CILK1: variants seen among roughly 807,000 people sequenced by gnomAD.
CILK1 encodes the protein serine/threonine-protein kinase ICK.
CILK1 carries 47 observed loss-of-function variants against 79.2 expected under a neutral mutation model. The ratio of observed to expected loss-of-function variants is 0.59; its 90% confidence interval spans 0.47 to 0.76. The LOEUF (loss-of-function observed/expected upper bound fraction) is 0.76. Ranked by LOEUF, CILK1 falls within the 30% of genes least tolerant of loss-of-function variation. The pLI, the probability that CILK1 is intolerant of heterozygous loss-of-function variation, is 0.00. For missense variants in CILK1, 660 were observed against 769.5 expected (o/e 0.86, Z 1.68); for synonymous variants, 266 against 275.9 (o/e 0.96, Z 0.36).
intron 7 of CILK1, 110 bp downstream of exon 7, chr6:53,018,220 G>C (rs1380999802): frequency 1.9e-6 from 2 of 1,041,992 alleles, no homozygotes; most frequent in African/African-American, 3.1e-5. Flanking sequence ...TCAAGAGAAA[G>C]AGCCTAGAAT....
At chr6:53,009,994 C>CCATT (rs1463277228) in intron 11 of CILK1, among the ~76,000 whole-genome samples, 1 of 152,214 alleles carries the variant, frequency 6.6e-6, no homozygotes, top group African/African-American at 2.4e-5. Flanking sequence ...CCGACCTGGA[C>CCATT]CATTACTCCC....
intron 4 of CILK1, 21 bp downstream of exon 4, chr6:53,032,512 A>G (rs927572794): frequency 1.9e-6 from 3 of 1,548,230 alleles, no homozygotes; most frequent in East Asian, 4.7e-5. Flanking sequence ...CTATAATAAG[A>G]TAATGATGAC....
In CILK1 at chr6:53,037,932, T is replaced by C; in HGVS notation, c.156+7A>G. 1 of 1,467,126 alleles carries C rather than the reference T, an allele frequency of 6.8e-7. No homozygotes were observed. The highest frequency in any genetic ancestry group is 9.6e-7 in the Non-Finnish European group (1 of 1,046,342). The allele number at this position is 1,467,126 out of a possible 1,614,324, so 90.9% of individuals were successfully genotyped here. ...CATAAATTATTCCTTGGTATATTAA[T>C]ATATACCTTAACCTCCCGAAGGTTC... On this transcript the variant is annotated splice_region_variant and intron_variant, in intron 3 of 13. Coordinates refer to ENST00000676107, the MANE Select transcript of CILK1 (RefSeq NM_014920.5).
intron 1 of CILK1, among the ~76,000 whole-genome samples, chr6:53,060,156 G>A (rs1476875120): frequency 6.6e-6 from 1 of 152,146 alleles, no homozygotes; most frequent in East Asian, 1.9e-4. Context: ...TATAAAAAGG[G>A]CTCTGATGAT....
intron 1 of CILK1, among the ~76,000 whole-genome samples, chr6:53,051,182 CACCAATTTCTAA>C (rs1562045928): frequency 1.3e-5 from 2 of 152,314 alleles, no homozygotes; most frequent in Admixed American, 1.3e-4. Context: ...GGCTCTGGGC[CACCAATTTCTAA>C]ACTACAGCTA....
chr6:53,026,888 G>A (rs1197277222), intron 5 of CILK1, among the ~76,000 whole-genome samples: 1 of 152,122 alleles, frequency 6.6e-6, no homozygotes, highest in Non-Finnish European at 1.5e-5. Context: ...ATAACAGAGG[G>A]ATTTTCTTTC....
At chr6:53,015,004 G>C (rs1764810019) in intron 8 of CILK1, among the ~76,000 whole-genome samples, 1 of 152,148 alleles carries the variant, frequency 6.6e-6, no homozygotes, top group African/African-American at 2.4e-5. Context: ...TCCAGCCCTT[G>C]AGCCATCCAA....
chr6:53,029,797 C>T (rs1462817046), intron 5 of CILK1, among the ~76,000 whole-genome samples: 1 of 152,202 alleles, frequency 6.6e-6, no homozygotes, highest in Non-Finnish European at 1.5e-5. Context: ...AGTAATAAAA[C>T]TTATTTGTTG....
intron 5 of CILK1, among the ~76,000 whole-genome samples, chr6:53,026,820 G>A (rs748904797): frequency 6.6e-6 from 1 of 152,204 alleles, no homozygotes; most frequent in Non-Finnish European, 1.5e-5. Flanking sequence ...AAAACTGTTT[G>A]ACTTCCAGAA....
intron 1 of CILK1, among the ~76,000 whole-genome samples, chr6:53,055,504 C>T (rs1767793930): frequency 6.6e-6 from 1 of 152,154 alleles, no homozygotes; most frequent in African/African-American, 2.4e-5. Context: ...CTTGCTTTGT[C>T]TTTACCTTGA....
At position 53,041,323 on chromosome 6, in the gene CILK1, G is replaced by T; in HGVS notation, c.-87C>A. 1.2e-6 allele frequency: 1 copy of T among 865,036 alleles called. No homozygotes were observed. 53.6% of individuals were successfully genotyped at this position (865,036 alleles called of 1,614,324 possible). On this transcript the variant is annotated 5_prime_UTR_variant, in exon 2 of 14. The change creates a new upstream start codon in the 5' untranslated region. Coordinates refer to ENST00000676107, the MANE Select transcript of CILK1 (RefSeq NM_014920.5). ...AGCAGTCCTCCCCAGAGTGTAACCA[G>T]ATTTTTCGATGGCAGCACCAGCACA...
In CILK1 at chr6:53,002,952, T is replaced by G. The variant is rs563357267; in HGVS notation, c.*2197A>C. ...TGCTCCTCTAAGGAATATTTACAAT[T>G]TAAAACCTGCTTTCCAGCAAGCTGG... is the stretch of plus-strand genomic sequence containing the variant. On this transcript the variant is annotated 3_prime_UTR_variant, in exon 14 of 14. Transcript: ENST00000676107. The G allele has an allele frequency of 1.8e-4, 28 of 152,770 alleles. No homozygotes were observed. Among genetic ancestry groups the G allele is most frequent in the African/African-American group, 6.3e-4 (26 of 41,592 alleles). The allele number at this position is 152,770 out of a possible 1,614,324, so 9.5% of individuals were successfully genotyped here. A position where few individuals can be genotyped will look rare whatever the true frequency, so the allele number is the denominator to read the frequency against.
In CILK1 at chr6:53,050,094, T is replaced by C. The variant is rs1249796396; in HGVS notation, c.-172-8686A>G. Among the ~76,000 whole-genome samples the C allele has an allele frequency of 2.0e-5, 3 of 152,182 alleles. No individual in the cohort carries two copies. In the East Asian group the frequency reaches 5.8e-4, roughly 29 times the overall value. Reference sequence around the variant, plus strand: ...TTTTTAGTGTATTAATGTTAATACATCCTTCTTTGATACTTAATGGGAGAC... The same window carrying C: ...TTTTTAGTGTATTAATGTTAATACACCCTTCTTTGATACTTAATGGGAGAC... On this transcript the variant is annotated intron_variant, in intron 1 of 13. Coordinates refer to ENST00000676107, the MANE Select transcript of CILK1 (RefSeq NM_014920.5).
At chr6:53,014,230 T>G (rs1764762886) in intron 8 of CILK1, among the ~76,000 whole-genome samples, 1 of 152,224 alleles carries the variant, frequency 6.6e-6, no homozygotes, top group African/African-American at 2.4e-5. Context: ...CCCTGGCTAC[T>G]TCTAAAAAGC....
intron 4 of CILK1, 50 bp downstream of exon 4, chr6:53,032,483 C>T: frequency 1.5e-6 from 2 of 1,308,554 alleles, no homozygotes; most frequent in African/African-American, 3.0e-5. Context: ...GAAAACACAT[C>T]TGCTTTGCCT....
At position 53,047,873 on chromosome 6, in the gene CILK1, T is replaced by G. The variant is rs146622007; in HGVS notation, c.-172-6465A>C. Among the ~76,000 whole-genome samples, 443 of 151,954 alleles carry G rather than the reference T, an allele frequency of 2.9e-3. 16 individuals carry two copies. In the East Asian group the frequency reaches 0.067, roughly 23 times the overall value. ...GTGTGTTTTTGTGTTATTTGGACAA[T>G]GTACAGAGATGTGGGTTCTGTTTTC... On this transcript the variant is annotated intron_variant, in intron 1 of 13. Coordinates refer to ENST00000676107, the MANE Select transcript of CILK1 (RefSeq NM_014920.5).
intron 1 of CILK1, 146 bp downstream of exon 1, chr6:53,061,450 A>C (rs1005118222): frequency 6.6e-6 from 1 of 152,286 alleles, no homozygotes; most frequent in Non-Finnish European, 1.5e-5. Context: ...AGGATCGCGG[A>C]AAGAAACTAT....
intron 1 of CILK1, among the ~76,000 whole-genome samples, chr6:53,061,373 C>G (rs1317959828): frequency 6.6e-6 from 1 of 152,228 alleles, no homozygotes; most frequent in Non-Finnish European, 1.5e-5. Flanking sequence ...CTCCTTAAGA[C>G]TAAAAGATAA....
At chr6:53,007,416 T>C (rs912529136) in intron 12 of CILK1, among the ~76,000 whole-genome samples, 1 of 152,068 alleles carries the variant, frequency 6.6e-6, no homozygotes, top group African/African-American at 2.4e-5. Context: ...AAACTTATAG[T>C]CAATAAACAC....
Sources: gnomAD v4.1 joint callset for allele counts (sites outside exome capture counted in the v4.1 genomes callset) on GRCh38, gnomAD v4.1.1 for gene constraint, MANE v1.5 for transcripts, NCBI Gene and HGNC (gene_info 2026-07-23, HGNC 2026-07-21) for gene names.